The following CBFA2T3 variants were observed in gnomAD, a reference collection of about 807,000 sequenced individuals.
CBFA2T3 encodes CBFA2/RUNX1 partner transcriptional co-repressor 3.
In CBFA2T3, 31 loss-of-function variants were observed where a neutral mutation model predicts 58.6. That is an observed-to-expected ratio of 0.53 (90% confidence interval 0.40 to 0.71). The LOEUF (loss-of-function observed/expected upper bound fraction) is 0.71. Ranked by LOEUF, CBFA2T3 falls within the 30% of genes least tolerant of loss-of-function variation. The pLI is 0.00. For synonymous variants in CBFA2T3, 531 were observed against 421.9 expected (o/e 1.26, Z -3.17); for missense variants, 1,076 against 963.1 (o/e 1.12, Z -1.55).
chr16:88,895,266 C>G (rs1489715907), intron 3 of CBFA2T3, among the ~76,000 whole-genome samples: 1 of 152,216 alleles, frequency 6.6e-6, no homozygotes, highest in Non-Finnish European at 1.5e-5. Flanking sequence ...AGTGTCCCTC[C>G]AGTAACCTTT....
chr16:88,913,890 TG>T (rs760276595), intron 1 of CBFA2T3, among the ~76,000 whole-genome samples: 2 of 152,178 alleles, frequency 1.3e-5, no homozygotes, highest in African/African-American at 4.8e-5. Flanking sequence ...ATCTGCTGAC[TG>T]GAACAGTCAC....
Position 88,976,574 on chromosome 16 carries a change from C to T in CBFA2T3, c.151+83G>A, listed in dbSNP as rs193057179. 1.4e-5 allele frequency: 15 copies of T among 1,079,684 alleles called. No individual in the cohort carries two copies. In the Admixed American group the frequency reaches 1.9e-4, roughly 13 times the overall value. The allele number at this position is 1,079,684 out of a possible 1,614,324, so 66.9% of individuals were successfully genotyped here. A position where few individuals can be genotyped will look rare whatever the true frequency, so the allele number is the denominator to read the frequency against. The stretch of plus-strand genomic sequence containing the variant: ...ACTGTCAACTAAGCTGGGCAGGCCC[C>T]GCGAAGCTCTAAGGAGTCACAGCCC... On this transcript the variant is annotated intron_variant, in intron 1 of 11. Coordinates refer to ENST00000268679, the MANE Select transcript of CBFA2T3 (RefSeq NM_005187.6).
In CBFA2T3 at chr16:88,911,558, C is replaced by T. The variant is rs77683519; in HGVS notation, c.152-9902G>A. Among the ~76,000 whole-genome samples, 259 of 152,382 alleles carry T rather than the reference C, an allele frequency of 1.7e-3. 2 individuals are homozygous for T. Among genetic ancestry groups the T allele is most frequent in the South Asian group, 9.3e-3 (45 of 4,830 alleles). ...CTCAGGCGCCCTCTCCCTGCAGGAACGGAGTTGGCTTTTCCGTCTCCTAAT... is the reference window on the plus strand; with the variant it reads ...CTCAGGCGCCCTCTCCCTGCAGGAATGGAGTTGGCTTTTCCGTCTCCTAAT... On this transcript the variant is annotated intron_variant, in intron 1 of 11. Transcript: ENST00000268679.
intron 11 of CBFA2T3, among the ~76,000 whole-genome samples, chr16:88,878,887 A>C (rs138227744): frequency 6.6e-6 from 1 of 152,214 alleles, no homozygotes; most frequent in Non-Finnish European, 1.5e-5. Context: ...CGGAGGTTGT[A>C]ATGAGCCGAG....
chr16:88,952,626 A>G (rs1203664438), intron 1 of CBFA2T3, among the ~76,000 whole-genome samples: 1 of 151,944 alleles, frequency 6.6e-6, no homozygotes, highest in Non-Finnish European at 1.5e-5. Context: ...TCACAGGCAC[A>G]CACCGCTCCC....
chr16:88,976,263 G>A (rs1047420217), intron 1 of CBFA2T3, among the ~76,000 whole-genome samples: 3 of 152,170 alleles, frequency 2.0e-5, no homozygotes, highest in South Asian at 4.1e-4. Context: ...CCAACCTGCT[G>A]TGAGGTGTCA....
At chr16:88,922,739 T>C (rs1970962312) in intron 1 of CBFA2T3, among the ~76,000 whole-genome samples, 1 of 152,222 alleles carries the variant, frequency 6.6e-6, no homozygotes, top group Non-Finnish European at 1.5e-5. Context: ...GGCCCCTTCC[T>C]GGAATCCCAT....
intron 1 of CBFA2T3, among the ~76,000 whole-genome samples, chr16:88,962,878 C>T (rs530975420): frequency 1.3e-4 from 20 of 152,308 alleles, no homozygotes; most frequent in African/African-American, 4.3e-4. Context: ...CAGGTCCACT[C>T]GGAAGGGAGC....
At chr16:88,891,151 C>T (rs1351790619) in intron 5 of CBFA2T3, among the ~76,000 whole-genome samples, 1 of 152,134 alleles carries the variant, frequency 6.6e-6, no homozygotes, top group Non-Finnish European at 1.5e-5. Flanking sequence ...AGCCCCTTCC[C>T]GCCTGTCTAC....
intron 1 of CBFA2T3, among the ~76,000 whole-genome samples, chr16:88,902,213 G>A (rs571599787): frequency 2.4e-4 from 36 of 152,170 alleles, no homozygotes; most frequent in Non-Finnish European, 4.3e-4. Flanking sequence ...GCGGGGGACG[G>A]TGTCTGCCCA....
intron 1 of CBFA2T3, among the ~76,000 whole-genome samples, chr16:88,915,278 G>A (rs1163374520): frequency 7.8e-6 from 1 of 128,408 alleles, no homozygotes; most frequent in Non-Finnish European, 1.7e-5. Flanking sequence ...TCGCGGGGTG[G>A]GGAAACTGGT....
chr16:88,878,133 G>A (rs1024959050), intron 11 of CBFA2T3, among the ~76,000 whole-genome samples: 5 of 152,180 alleles, frequency 3.3e-5, no homozygotes, highest in Admixed American at 6.5e-5. Flanking sequence ...CATTCCTCCC[G>A]GCATCTGCTC....
chr16:88,892,169 T>G (rs1969661074), intron 4 of CBFA2T3, 75 bp downstream of exon 4: 1 of 1,531,670 alleles, frequency 6.5e-7, no homozygotes, highest in South Asian at 1.2e-5. Context: ...ATGTAAGGAG[T>G]GGCCGTGGCT....
chr16:88,972,799 C>G (rs996100763), intron 1 of CBFA2T3, among the ~76,000 whole-genome samples: 2 of 152,192 alleles, frequency 1.3e-5, no homozygotes, highest in African/African-American at 4.8e-5. Flanking sequence ...ATGTGGTCAA[C>G]AAAAGGGGGG....
chr16:88,882,022 G>A (rs1969105279), intron 8 of CBFA2T3, among the ~76,000 whole-genome samples: 1 of 152,266 alleles, frequency 6.6e-6, no homozygotes, highest in African/African-American at 2.4e-5. Flanking sequence ...ACTCTGGGAA[G>A]AGCCAGTGAG....
At chr16:88,935,805 C>T (rs1971479725) in intron 1 of CBFA2T3, among the ~76,000 whole-genome samples, 1 of 152,238 alleles carries the variant, frequency 6.6e-6, no homozygotes, top group South Asian at 2.1e-4. Context: ...GGCTGATGGT[C>T]CCAGTCCAGA....
intron 1 of CBFA2T3, among the ~76,000 whole-genome samples, chr16:88,929,919 G>C (rs925199806): frequency 2.7e-5 from 4 of 147,108 alleles, no homozygotes; most frequent in African/African-American, 1.1e-4. Flanking sequence ...CATCGTCCAC[G>C]CAAAAGCTAC....
chr16:88,937,993 G>A (rs557437383), intron 1 of CBFA2T3: 57 of 152,364 alleles, frequency 3.7e-4, no homozygotes, highest in African/African-American at 1.3e-3. Context: ...AGTGGCTTCT[G>A]GAGGGTCTTT....
At position 88,877,168 on chromosome 16, in the gene CBFA2T3, G is replaced by A; in HGVS notation, c.1770C>T (p.His590=). 5.2e-6 allele frequency: 8 copies of A among 1,552,556 alleles called. No homozygotes were observed. Among genetic ancestry groups the A allele is most frequent in the East Asian group, 2.4e-5 (1 of 41,142 alleles). ...CQHRDWEKHH[H]VCGQSLQGPT... ...GGCCCTGCAGGCTCTGGCCACACACGTGGTGATGCTTCTCCCAGTCCCGAT... is the reference window on the plus strand; with the variant it reads ...GGCCCTGCAGGCTCTGGCCACACACATGGTGATGCTTCTCCCAGTCCCGAT... The change falls in exon 12 of 12, where the codon CAC becomes CAT. Residue 590 remains histidine, a synonymous_variant. Transcript: ENST00000268679.
Sources: allele counts gnomAD v4.1 joint callset (sites outside exome capture counted in the v4.1 genomes callset), GRCh38; gene constraint gnomAD v4.1.1; transcripts MANE v1.5; gene names NCBI Gene and HGNC (gene_info 2026-07-23, HGNC 2026-07-21).